The following IFT43 variants were observed in gnomAD, a reference collection of about 807,000 sequenced individuals.
The protein encoded by IFT43 is intraflagellar transport protein 43 homolog.
A neutral mutation model predicts 32.3 loss-of-function variants in IFT43; 33 were observed. That is an observed-to-expected ratio of 1.02 (90% CI 0.77 to 1.37). The LOEUF (loss-of-function observed/expected upper bound fraction) is 1.37. Ranked by LOEUF, IFT43 falls within the 40% of genes most tolerant of loss-of-function variation. The probability of loss-of-function intolerance (pLI) is 0.00; values close to 1 mark genes in which losing one functional copy is unlikely to be tolerated. For missense variants in IFT43, 274 were observed against 265.9 expected, an observed-to-expected ratio of 1.03 and a Z score of -0.21; for synonymous variants, 93 against 98.2, an observed-to-expected ratio of 0.95 and a Z score of 0.31.
intron 3 of IFT43, among the ~76,000 whole-genome samples, chr14:76,027,349 C>CAT (rs71122512): frequency 6.8e-6 from 1 of 146,908 alleles, no homozygotes; most frequent in East Asian, 2.0e-4. Flanking sequence ...CACACACACA[C>CAT]TTTTTCCCAA....
chr14:76,043,758 A>G (rs958538353), intron 3 of IFT43, among the ~76,000 whole-genome samples: 7 of 152,208 alleles, frequency 4.6e-5, no homozygotes, highest in Admixed American at 2.0e-4. Context: ...TGCAGTGGAC[A>G]CTAGCTGGCT....
At chr14:76,017,746 C>G (rs28850657) in intron 2 of IFT43, among the ~76,000 whole-genome samples, 17,012 of 152,058 alleles carry the variant, frequency 0.11, 1,046 homozygotes, top group African/African-American at 0.17. Flanking sequence ...GTGGTCTGTT[C>G]AGGTTTTCTA....
rs972076141 is a variant in IFT43, at chr14:76,023,747, G to T, written c.215+1353G>T. 2.2e-4 allele frequency among the ~76,000 whole-genome samples: 33 copies of T among 152,122 alleles called. 1 individual carries two copies. In the South Asian group the frequency reaches 2.3e-3, roughly 11 times the overall value. Reference sequence around the variant, plus strand: ...CCATAAATGCTTCATATGAAGGGTCGGTTTGGGAGAAGTAATTCCAGATCA... The same window carrying T: ...CCATAAATGCTTCATATGAAGGGTCTGTTTGGGAGAAGTAATTCCAGATCA... On this transcript the variant is annotated intron_variant, in intron 3 of 8. Transcript: ENST00000314067.
chr14:75,998,952 C>A (rs527648876), intron 2 of IFT43, among the ~76,000 whole-genome samples: 1 of 152,204 alleles, frequency 6.6e-6, no homozygotes, highest in South Asian at 2.1e-4. Context: ...TCGGGATGAC[C>A]TTGAACTCCT....
intron 2 of IFT43, among the ~76,000 whole-genome samples, chr14:75,998,308 G>A (rs1464821108): frequency 6.6e-6 from 1 of 152,176 alleles, no homozygotes; most frequent in African/African-American, 2.4e-5. Flanking sequence ...TGCAGGAAAT[G>A]CCCAAGAGGC....
At position 76,058,869 on chromosome 14, in the gene IFT43, A is replaced by T. The variant is rs2037076522; in HGVS notation, c.248+195A>T. ...ACTGAAGGTCTGGACCCTGGCATTG[A>T]TGCCCATGTCCTATCTCCCACTGTG... On this transcript the variant is annotated intron_variant, in intron 4 of 8. Transcript: ENST00000314067. 4.6e-6 allele frequency: 7 copies of T among 1,507,806 alleles called. No individual in the cohort carries two copies. The East Asian group carries it at 1.5e-4, about 32-fold the overall frequency. The allele number at this position is 1,507,806 out of a possible 1,614,324, so 93.4% of individuals were successfully genotyped here. A position where few individuals can be genotyped will look rare whatever the true frequency, so the allele number is the denominator to read the frequency against.
At chr14:76,043,246 A>G (rs536590701) in intron 3 of IFT43, among the ~76,000 whole-genome samples, 12 of 152,376 alleles carry the variant, frequency 7.9e-5, no homozygotes, top group African/African-American at 2.6e-4. Context: ...ACAGTTGACA[A>G]GCATTGAGGA....
At chr14:76,049,457 G>T (rs1370899393) in intron 3 of IFT43, among the ~76,000 whole-genome samples, 3 of 148,480 alleles carry the variant, frequency 2.0e-5, no homozygotes, top group Non-Finnish European at 3.0e-5. Flanking sequence ...AAAGCTGTGT[G>T]TTTTTTTTTT....
At chr14:76,064,750 G>A (rs2037199847) in intron 5 of IFT43, among the ~76,000 whole-genome samples, 1 of 152,082 alleles carries the variant, frequency 6.6e-6, no homozygotes, top group Non-Finnish European at 1.5e-5. Context: ...TTAAACTCAG[G>A]AAAAAGGATT....
chr14:76,009,639 T>C (rs1010900297), intron 2 of IFT43, among the ~76,000 whole-genome samples: 1 of 152,206 alleles, frequency 6.6e-6, no homozygotes, highest in Non-Finnish European at 1.5e-5. Context: ...CCTAGGTACC[T>C]GAATTCAATT....
intron 2 of IFT43, among the ~76,000 whole-genome samples, chr14:75,996,795 T>G (rs936702764): frequency 1.3e-5 from 2 of 152,174 alleles, no homozygotes; most frequent in African/African-American, 4.8e-5. Context: ...GAGTAGAAAA[T>G]GAAGAGGGCA....
intron 5 of IFT43, among the ~76,000 whole-genome samples, chr14:76,073,392 T>C (rs541253116): frequency 6.6e-6 from 1 of 152,250 alleles, no homozygotes; most frequent in East Asian, 1.9e-4. Context: ...TTCTGACACA[T>C]CACACATGGA....
intron 1 of IFT43, 64 bp downstream of exon 1, chr14:75,985,904 GGCCC>G: frequency 6.3e-7 from 1 of 1,590,288 alleles, no homozygotes; most frequent in Non-Finnish European, 8.6e-7. Flanking sequence ...CGACCCCGCC[GGCCC>G]CGACTTCTCT....
At chr14:76,031,020 G>A (rs929282898) in intron 3 of IFT43, among the ~76,000 whole-genome samples, 1 of 146,574 alleles carries the variant, frequency 6.8e-6, no homozygotes, top group Admixed American at 6.8e-5. Flanking sequence ...AAACATATGT[G>A]TATATATATA....
At chr14:76,026,633 C>T (rs187670782) in intron 3 of IFT43, among the ~76,000 whole-genome samples, 33 of 151,542 alleles carry the variant, frequency 2.2e-4, no homozygotes, top group African/African-American at 7.0e-4. Context: ...ACAGTGTTAG[C>T]GTGAGTGTAA....
chr14:76,016,381 T>G (rs2036188893), intron 2 of IFT43, among the ~76,000 whole-genome samples: 1 of 152,204 alleles, frequency 6.6e-6, no homozygotes, highest in African/African-American at 2.4e-5. Context: ...ATGGATTTAT[T>G]CCTTGGTTTT....
At chr14:75,999,253 A>G (rs1277958745) in intron 2 of IFT43, among the ~76,000 whole-genome samples, 4 of 10,664 alleles carry the variant, frequency 3.8e-4, no homozygotes, top group Admixed American at 2.2e-3. Flanking sequence ...ATATATATAT[A>G]TATATATATA....
At chr14:76,050,823 T>C (rs558222269) in intron 3 of IFT43, among the ~76,000 whole-genome samples, 1 of 152,318 alleles carries the variant, frequency 6.6e-6, no homozygotes, top group African/African-American at 2.4e-5. Flanking sequence ...TTGAGAGGGC[T>C]AAAACCTCTA....
intron 3 of IFT43, among the ~76,000 whole-genome samples, chr14:76,023,670 C>T (rs2036337286): frequency 6.6e-6 from 1 of 152,172 alleles, no homozygotes; most frequent in African/African-American, 2.4e-5. Flanking sequence ...CACAGGCATT[C>T]TGGCAGGTGG....
Sources: gnomAD v4.1 joint callset for allele counts (sites outside exome capture counted in the v4.1 genomes callset) on GRCh38, gnomAD v4.1.1 for gene constraint, MANE v1.5 for transcripts, NCBI Gene and HGNC (gene_info 2026-07-23, HGNC 2026-07-21) for gene names.